Variants in RAB11A observed in about 807,000 individuals in gnomAD.
The protein encoded by RAB11A is RAB11A, member RAS oncogene family, also known as ras-related protein Rab-11A.
In RAB11A, 9 loss-of-function variants were observed where a neutral mutation model predicts 28.0. That is an observed-to-expected ratio of 0.32 (90% CI 0.19 to 0.56). RAB11A has a LOEUF of 0.56. RAB11A is among the 20% of genes least tolerant of loss of function. RAB11A has a pLI of 0.91. For synonymous variants in RAB11A, 85 were observed against 88.2 expected, an observed-to-expected ratio of 0.96 and a Z score of 0.20; for missense variants, 108 against 269.6, an observed-to-expected ratio of 0.40 and a Z score of 4.20.
intron 1 of RAB11A, among the ~76,000 whole-genome samples, chr15:65,873,471 T>C (rs2078175350): frequency 6.6e-6 from 1 of 152,216 alleles, no homozygotes; most frequent in Admixed American, 6.5e-5. Flanking sequence ...CAAGTTTTGG[T>C]TGAGCAACTC....
chr15:65,881,950 C>G (rs192453433), intron 4 of RAB11A, among the ~76,000 whole-genome samples: 1 of 150,432 alleles, frequency 6.6e-6, no homozygotes, highest in South Asian at 2.1e-4. Context: ...GTAGTCCCAG[C>G]TGAGGTGGGA....
Position 65,877,042 on chromosome 15 carries a change from T to A in RAB11A, c.41-290T>A, listed in dbSNP as rs748240714. Among the ~76,000 whole-genome samples, 4 of 152,242 alleles carry A rather than the reference T, an allele frequency of 2.6e-5. No individual in the cohort carries two copies. Among genetic ancestry groups the A allele is most frequent in the Non-Finnish European group, 4.4e-5 (3 of 68,034 alleles). On this transcript the variant is annotated intron_variant, in intron 1 of 4. Coordinates refer to ENST00000261890, the MANE Select transcript of RAB11A (RefSeq NM_004663.5). This position sits in a 1 kb window ranked among gnomAD's most constrained non-coding sequence, Gnocchi z 4.1. ...GCCTGTCATCAATGCCAAGGGCATC[T>A]GTGATTAAAACTGCATGTTTAAGAC...
In RAB11A at chr15:65,887,962, A is replaced by G. The variant is rs1378434760; in HGVS notation, c.*122A>G. ...TTACTTCATACTTATGAATTTTTCC[A>G]TGTCCTAAGTCTTTTGATTTTAGCT... On this transcript the variant is annotated 3_prime_UTR_variant, in exon 5 of 5. Coordinates refer to ENST00000261890, the MANE Select transcript of RAB11A (RefSeq NM_004663.5). 2.8e-6 allele frequency: 3 copies of G among 1,076,178 alleles called. No individual in the cohort carries two copies. Among genetic ancestry groups the G allele is most frequent in the African/African-American group, 1.6e-5 (1 of 60,696 alleles). 66.7% of individuals were successfully genotyped at this position (1,076,178 alleles called of 1,614,324 possible).
chr15:65,876,850 C>G (rs1204198233), intron 1 of RAB11A, among the ~76,000 whole-genome samples: 1 of 152,292 alleles, frequency 6.6e-6, no homozygotes. Flanking sequence ...TTTGATGAAA[C>G]GAAGTATATT....
Position 65,890,511 on chromosome 15 carries a change from T to TA in RAB11A, c.*2673dup, listed in dbSNP as rs1277052202. Reference sequence around the variant, plus strand: ...GTTATTGCCCATTTAATTGTAATTATAAGAAGAGGTGCCAGCTAGTGACCT... The same window carrying TA: ...GTTATTGCCCATTTAATTGTAATTATAAAGAAGAGGTGCCAGCTAGTGACCT... On this transcript the variant is annotated 3_prime_UTR_variant, in exon 5 of 5. Transcript: ENST00000261890. The TA allele has an allele frequency of 4.6e-5, 7 of 152,346 alleles. No individual in the cohort carries two copies. The highest frequency in any genetic ancestry group is 1.4e-4 in the African/African-American group (6 of 41,580). The allele number at this position is 152,346 out of a possible 1,614,324, so 9.4% of individuals were successfully genotyped here. A position where few individuals can be genotyped will look rare whatever the true frequency, so the allele number is the denominator to read the frequency against.
At chr15:65,870,098 T>C (rs559966647) in intron 1 of RAB11A, 1 of 153,952 alleles carries the variant, frequency 6.5e-6, no homozygotes, top group South Asian at 2.0e-4. Context: ...CTTTTTCTTA[T>C]CTGCCCTCTT....
intron 3 of RAB11A, 68 bp downstream of exon 3, chr15:65,878,023 A>T: frequency 7.3e-7 from 1 of 1,377,532 alleles, no homozygotes; most frequent in East Asian, 2.3e-5. Flanking sequence ...TTCCAATGAG[A>T]GTAATAGGTT....
At chr15:65,879,053 GCA>G in intron 3 of RAB11A, among the ~76,000 whole-genome samples, 1 of 150,962 alleles carries the variant, frequency 6.6e-6, no homozygotes, top group African/African-American at 2.4e-5. Flanking sequence ...GAGTGGAGTG[GCA>G]CAGTCAAGGC....
intron 4 of RAB11A, among the ~76,000 whole-genome samples, chr15:65,886,172 C>T (rs779600095): frequency 5.9e-5 from 9 of 152,116 alleles, no homozygotes; most frequent in East Asian, 3.8e-4. Context: ...CATATCAAAA[C>T]GCCATTTTGG....
chr15:65,873,535 T>TTATATCTATATC (rs368765480), intron 1 of RAB11A, among the ~76,000 whole-genome samples: 3 of 152,012 alleles, frequency 2.0e-5, no homozygotes, highest in African/African-American at 7.2e-5. Flanking sequence ...ATTGTATGCA[T>TTATATCTATATC]TATATCTATA....
chr15:65,882,039 A>G (rs1335660681), intron 4 of RAB11A, among the ~76,000 whole-genome samples: 1 of 152,224 alleles, frequency 6.6e-6, no homozygotes, highest in African/African-American at 2.4e-5. Flanking sequence ...GGGCAGAGTG[A>G]GATCCTGTCT....
At position 65,877,683 on chromosome 15, in the gene RAB11A, A is replaced by G; in HGVS notation, c.237-79A>G. 12 of 1,371,652 alleles carry G rather than the reference A, an allele frequency of 8.7e-6. No individual in the cohort carries two copies. Among genetic ancestry groups the G allele is most frequent in the Non-Finnish European group, 1.2e-5 (12 of 1,004,456 alleles). 85.0% of individuals were successfully genotyped at this position (1,371,652 alleles called of 1,614,324 possible). On this transcript the variant is annotated intron_variant, in intron 2 of 4. Transcript: ENST00000261890. This position sits in a 1 kb window ranked among gnomAD's most constrained non-coding sequence, Gnocchi z 4.1. ...ATTTATAAGTATGTTTTTAAAACTC[A>G]TGATCCATATTTTGAGTTCTTCCTG...
chr15:65,881,312 A>G (rs1290426620), intron 4 of RAB11A, among the ~76,000 whole-genome samples: 1 of 152,182 alleles, frequency 6.6e-6, no homozygotes, highest in East Asian at 1.9e-4. Flanking sequence ...CAACATGTAG[A>G]GTACTAGATT....
At chr15:65,876,302 T>A (rs892806235) in intron 1 of RAB11A, among the ~76,000 whole-genome samples, 1 of 152,156 alleles carries the variant, frequency 6.6e-6, no homozygotes, top group African/African-American at 2.4e-5. Context: ...TATTTTATTT[T>A]ATTTATTTTT....
At chr15:65,879,992 A>G (rs1253344831) in intron 4 of RAB11A, among the ~76,000 whole-genome samples, 1 of 152,200 alleles carries the variant, frequency 6.6e-6, no homozygotes, top group East Asian at 1.9e-4. Flanking sequence ...ATTCACTTCC[A>G]TTATTACTTC....
chr15:65,883,608 T>C (rs916726663), intron 4 of RAB11A, among the ~76,000 whole-genome samples: 6 of 152,096 alleles, frequency 3.9e-5, no homozygotes, highest in Non-Finnish European at 7.4e-5. Context: ...CTTTTTTTTT[T>C]CCCCTGAGTC....
intron 4 of RAB11A, among the ~76,000 whole-genome samples, chr15:65,885,289 AT>A (rs57448123): frequency 8.1e-5 from 12 of 148,034 alleles, no homozygotes; most frequent in African/African-American, 1.2e-4. Flanking sequence ...CACCTGGCTA[AT>A]TTTTTTTTTG....
At chr15:65,873,352 TC>T (rs2078174703) in intron 1 of RAB11A, among the ~76,000 whole-genome samples, 1 of 152,206 alleles carries the variant, frequency 6.6e-6, no homozygotes, top group African/African-American at 2.4e-5. Flanking sequence ...TAAGACATTT[TC>T]TTTTCAATCA....
At chr15:65,884,403 A>C (rs1222969169) in intron 4 of RAB11A, among the ~76,000 whole-genome samples, 1 of 152,168 alleles carries the variant, frequency 6.6e-6, no homozygotes, top group Non-Finnish European at 1.5e-5. Context: ...GTAAGTTTTA[A>C]CTTCCTTATA....
Sources: gnomAD v4.1 joint callset for allele counts (sites outside exome capture counted in the v4.1 genomes callset) on GRCh38, gnomAD v4.1.1 for gene constraint, Gnocchi (gnomAD v3.1) non-coding constraint, MANE v1.5 for transcripts, NCBI Gene and HGNC (gene_info 2026-07-23, HGNC 2026-07-21) for gene names.